PCMTD1: variants seen among roughly 807,000 people sequenced by gnomAD.
PCMTD1 encodes the protein protein-L-isoaspartate O-methyltransferase domain-containing protein 1.
PCMTD1 carries 12 observed loss-of-function variants against 37.6 expected under a neutral mutation model. That is an observed-to-expected ratio of 0.32 (90% CI 0.20 to 0.52). The LOEUF is 0.52. PCMTD1 is among the 20% of genes least tolerant of loss of function. PCMTD1 has a pLI of 0.97. For missense variants in PCMTD1, 235 were observed against 421.3 expected, an observed-to-expected ratio of 0.56 and a Z score of 3.87; for synonymous variants, 117 against 135.8, an observed-to-expected ratio of 0.86 and a Z score of 0.96.
At chr8:51,835,557 C>T (rs542098762) in intron 3 of PCMTD1, among the ~76,000 whole-genome samples, 14 of 152,168 alleles carry the variant, frequency 9.2e-5, no homozygotes, top group African/African-American at 3.1e-4. Context: ...ATAAGTTGGA[C>T]TATTTCAGTA....
chr8:51,825,765 CA>C (rs927638207), intron 5 of PCMTD1, among the ~76,000 whole-genome samples: 1 of 149,820 alleles, frequency 6.7e-6, no homozygotes, highest in African/African-American at 2.5e-5. Context: ...AAATGCTCAT[CA>C]TCACTGGTCG....
At chr8:51,828,764 T>C (rs2037958287) in intron 5 of PCMTD1, among the ~76,000 whole-genome samples, 1 of 152,224 alleles carries the variant, frequency 6.6e-6, no homozygotes, top group Admixed American at 6.5e-5. Flanking sequence ...AATCATATAA[T>C]GCATACACAG....
At chr8:51,838,337 A>T (rs569328172) in intron 3 of PCMTD1, among the ~76,000 whole-genome samples, 23 of 151,632 alleles carry the variant, frequency 1.5e-4, no homozygotes, top group African/African-American at 5.1e-4. Flanking sequence ...TTTTTTTTTT[A>T]AATCAGTTAG....
chr8:51,826,850 C>G (rs961989682), intron 5 of PCMTD1: 2 of 822,938 alleles, frequency 2.4e-6, no homozygotes, highest in South Asian at 1.1e-4. Context: ...TCCTCAACCC[C>G]AAACAAAAAA....
chr8:51,830,514 C>T (rs1393713896), intron 5 of PCMTD1, among the ~76,000 whole-genome samples: 5 of 152,182 alleles, frequency 3.3e-5, no homozygotes, highest in African/African-American at 4.8e-5. Flanking sequence ...CCCACACTCC[C>T]GAGTCAGCTA....
chr8:51,849,120 T>C (rs972551359), intron 2 of PCMTD1: 70 of 152,288 alleles, frequency 4.6e-4, no homozygotes, highest in African/African-American at 1.6e-3. Flanking sequence ...ACATAGCTGC[T>C]TCTGAGAAAG....
chr8:51,865,623 A>G (rs1041456754), intron 1 of PCMTD1, among the ~76,000 whole-genome samples: 37 of 152,112 alleles, frequency 2.4e-4, no homozygotes, highest in African/African-American at 8.7e-4. Flanking sequence ...CAAAAATTCA[A>G]TATCCTTTCA....
chr8:51,860,242 C>G (rs542315526), intron 2 of PCMTD1, among the ~76,000 whole-genome samples: 12 of 152,214 alleles, frequency 7.9e-5, no homozygotes, highest in Non-Finnish European at 1.8e-4. Context: ...TACACACATA[C>G]TGCTTTAAAC....
intron 1 of PCMTD1, among the ~76,000 whole-genome samples, chr8:51,862,372 A>ACACT (rs767512787): frequency 1.3e-5 from 2 of 151,830 alleles, no homozygotes; most frequent in South Asian, 2.1e-4. Context: ...ACACACACAC[A>ACACT]CTCACACACA....
chr8:51,889,328 T>TTA lies in PCMTD1; in HGVS notation c.-96+9600_-96+9601dup, dbSNP rs2038906568. The stretch of plus-strand genomic sequence containing the variant: ...AATGCAACTATCATTAATTGAGCAC[T>TTA]TACAGCATAAAGCTTTGAGGTGTTT... On this transcript the variant is annotated intron_variant, in intron 1 of 5. Transcript: ENST00000522514. Among the ~76,000 whole-genome samples, 3 of 152,244 alleles carry TTA rather than the reference T, an allele frequency of 2.0e-5. No homozygotes were observed. The South Asian group carries it at 6.2e-4, about 31-fold the overall frequency.
chr8:51,844,223 A>G (rs969373712), intron 3 of PCMTD1, among the ~76,000 whole-genome samples: 1 of 152,196 alleles, frequency 6.6e-6, no homozygotes, highest in Admixed American at 6.5e-5. Flanking sequence ...ATTTCTGCCA[A>G]ACGTGCTTTT....
intron 1 of PCMTD1, among the ~76,000 whole-genome samples, chr8:51,887,224 G>GT (rs1448003230): frequency 6.6e-6 from 1 of 152,072 alleles, no homozygotes; most frequent in Non-Finnish European, 1.5e-5. Flanking sequence ...AGGTTCCAGG[G>GT]ATTAGAACAT....
chr8:51,884,376 A>G (rs2038834608), intron 1 of PCMTD1, among the ~76,000 whole-genome samples: 1 of 152,208 alleles, frequency 6.6e-6, no homozygotes, highest in Non-Finnish European at 1.5e-5. Context: ...TCAAACACAA[A>G]AGCAGGAATT....
Position 51,891,666 on chromosome 8 carries a change from AAAAC to A in PCMTD1, c.-96+7260_-96+7263del, listed in dbSNP as rs1363862293. On this transcript the variant is annotated intron_variant, in intron 1 of 5. Transcript: ENST00000522514. ...AATTATATGCCACTAGTTAAAAAAA[AAAAC>A]AAAAAATATATATATACATATATAT... Among the ~76,000 whole-genome samples, 4 of 139,100 alleles carry A rather than the reference AAAAC, an allele frequency of 2.9e-5. No individual in the cohort carries two copies. In the East Asian group the frequency reaches 6.3e-4, roughly 22 times the overall value. The allele number at this position is 139,100 out of a possible 152,430, so 91.3% of individuals were successfully genotyped here. A position where few individuals can be genotyped will look rare whatever the true frequency, so the allele number is the denominator to read the frequency against.
rs35041148 is a variant in PCMTD1 at position 51,818,409 on chromosome 8, C to CAAAAAAAAAAAAAAA, written c.*1927_*1941dup. 1.4e-5 allele frequency: 2 copies of CAAAAAAAAAAAAAAA among 138,066 alleles called. 1 individual carries two copies. The highest frequency in any genetic ancestry group is 3.1e-5 in the Non-Finnish European group (2 of 63,810). 8.6% of individuals were successfully genotyped at this position (138,066 alleles called of 1,614,324 possible). On this transcript the variant is annotated 3_prime_UTR_variant, in exon 6 of 6. Transcript: ENST00000522514. ...GCATCATCTAAACAGCAGCTCCAAC[C>CAAAAAAAAAAAAAAA]AAAAAAAAAAAAAAAAACAAGCAGG...
intron 1 of PCMTD1, among the ~76,000 whole-genome samples, chr8:51,869,334 G>A (rs2038606050): frequency 6.6e-6 from 1 of 152,080 alleles, no homozygotes; most frequent in South Asian, 2.1e-4. Flanking sequence ...TACAAGTCAA[G>A]AGACCAAGGT....
rs1299022298 is a variant in PCMTD1, at chr8:51,819,288, C to T, written c.*1063G>A. 3 of 152,028 alleles carry T rather than the reference C, an allele frequency of 2.0e-5. No homozygotes were observed. The highest frequency in any genetic ancestry group is 4.4e-5 in the Non-Finnish European group (3 of 67,986). The allele number at this position is 152,028 out of a possible 1,614,324, so 9.4% of individuals were successfully genotyped here. A position where few individuals can be genotyped will look rare whatever the true frequency, so the allele number is the denominator to read the frequency against. On this transcript the variant is annotated 3_prime_UTR_variant, in exon 6 of 6. Transcript: ENST00000522514. ...AACAAAGGGTATCTACATACAATTT[C>T]TGTGAATATTTCTTATACTAGATAG...
intron 1 of PCMTD1, among the ~76,000 whole-genome samples, chr8:51,876,492 G>GT (rs1291772824): frequency 1.3e-5 from 2 of 152,158 alleles, no homozygotes; most frequent in Non-Finnish European, 2.9e-5. Flanking sequence ...AAACCCACCA[G>GT]TAACCATAAG....
intron 1 of PCMTD1, among the ~76,000 whole-genome samples, chr8:51,892,175 C>T (rs2129295649): frequency 6.6e-6 from 1 of 152,240 alleles, no homozygotes. Context: ...ATATTGTAAG[C>T]CACAACATTT....
Sources: gnomAD v4.1 joint callset for allele counts (sites outside exome capture counted in the v4.1 genomes callset) on GRCh38, gnomAD v4.1.1 for gene constraint, MANE v1.5 for transcripts, NCBI Gene and HGNC (gene_info 2026-07-23, HGNC 2026-07-21) for gene names.